MYT1L: variants seen among roughly 807,000 people sequenced by gnomAD.
MYT1L encodes myelin transcription factor 1-like protein.
In MYT1L, 12 loss-of-function variants were observed where a neutral mutation model predicts 126.7. The observed-to-expected ratio is 0.09, with a 90% CI of 0.06 to 0.15. The LOEUF (loss-of-function observed/expected upper bound fraction) is 0.15, where lower values mean the gene tolerates loss of function less well. MYT1L is among the 10% of genes least tolerant of loss of function. The pLI is 1.00. For synonymous variants in MYT1L, 541 were observed against 604.2 expected, an observed-to-expected ratio of 0.90 and a Z score of 1.53; for missense variants, 979 against 1,585.2, an observed-to-expected ratio of 0.62 and a Z score of 6.49.
chr2:1,952,282 T>A (rs768146080), intron 8 of MYT1L, among the ~76,000 whole-genome samples: 3 of 152,222 alleles, frequency 2.0e-5, no homozygotes, highest in Non-Finnish European at 4.4e-5. Flanking sequence ...TATTAAATAT[T>A]TATTGTCTTG....
intron 3 of MYT1L, among the ~76,000 whole-genome samples, chr2:2,062,616 A>C (rs2070680151): frequency 6.6e-6 from 1 of 152,184 alleles, no homozygotes; most frequent in Admixed American, 6.5e-5. Context: ...TCCTATGGAA[A>C]GGTTGTTGGG....
chr2:2,315,246 G>A (rs1248448860), intron 1 of MYT1L, among the ~76,000 whole-genome samples: 4 of 152,126 alleles, frequency 2.6e-5, no homozygotes, highest in Non-Finnish European at 4.4e-5. Context: ...CAAGGATTAT[G>A]CCTTACACTG....
chr2:2,171,791 C>T (rs996250590), intron 3 of MYT1L, among the ~76,000 whole-genome samples: 3 of 152,148 alleles, frequency 2.0e-5, no homozygotes, highest in Non-Finnish European at 4.4e-5. Context: ...TCATAAAGCT[C>T]TCAAAGCCTG....
chr2:1,846,744 G>A (rs1188401226), intron 19 of MYT1L, among the ~76,000 whole-genome samples: 16 of 152,214 alleles, frequency 1.1e-4, no homozygotes, highest in Admixed American at 9.8e-4. Context: ...TGCCCCGCAT[G>A]AGAATGGATC....
chr2:2,113,968 AACATTACT>A (rs1490890782), intron 3 of MYT1L, among the ~76,000 whole-genome samples: 17 of 151,944 alleles, frequency 1.1e-4, no homozygotes, highest in African/African-American at 3.9e-4. Context: ...TAGTTATGAA[AACATTACT>A]GCCTCCATTA....
chr2:2,137,888 C>T (rs1250562646), intron 3 of MYT1L, among the ~76,000 whole-genome samples: 8 of 152,256 alleles, frequency 5.3e-5, no homozygotes, highest in African/African-American at 1.9e-4. Context: ...AAACTACCAT[C>T]AGAGTAAACA....
intron 4 of MYT1L, among the ~76,000 whole-genome samples, chr2:2,018,418 G>A (rs777861693): frequency 4.6e-5 from 7 of 152,278 alleles, no homozygotes; most frequent in South Asian, 2.1e-4. Context: ...AAGGAACAGG[G>A]ATGGAAGGAC....
chr2:2,202,002 A>G (rs974285269), intron 2 of MYT1L, among the ~76,000 whole-genome samples: 2 of 152,214 alleles, frequency 1.3e-5, no homozygotes, highest in African/African-American at 4.8e-5. Context: ...GAAACTGAAC[A>G]ACCTGCTCCT....
intron 1 of MYT1L, among the ~76,000 whole-genome samples, chr2:2,312,625 T>C (rs1355417933): frequency 6.6e-6 from 1 of 152,048 alleles, no homozygotes; most frequent in African/African-American, 2.4e-5. Context: ...ATAACACTTC[T>C]GAGGTTTACT....
chr2:1,975,438 T>G (rs969421044), intron 8 of MYT1L, among the ~76,000 whole-genome samples: 1 of 152,202 alleles, frequency 6.6e-6, no homozygotes, highest in Non-Finnish European at 1.5e-5. Flanking sequence ...AATTAAAGAC[T>G]AAATGGCAGG....
intron 21 of MYT1L, among the ~76,000 whole-genome samples, chr2:1,810,458 T>C (rs1166986914): frequency 6.6e-6 from 1 of 152,220 alleles, no homozygotes; most frequent in Non-Finnish European, 1.5e-5. Flanking sequence ...TTTATATATG[T>C]ATATGACATA....
chr2:2,314,580 G>A (rs1211508285), intron 1 of MYT1L, among the ~76,000 whole-genome samples: 1 of 152,058 alleles, frequency 6.6e-6, no homozygotes, highest in East Asian at 1.9e-4. Flanking sequence ...TTTAAGTTCT[G>A]GGATACATGT....
chr2:2,255,935 T>A (rs1162254894), intron 2 of MYT1L, among the ~76,000 whole-genome samples: 1 of 152,178 alleles, frequency 6.6e-6, no homozygotes, highest in African/African-American at 2.4e-5. Context: ...CTGAATTAAT[T>A]CATGGCAACA....
intron 1 of MYT1L, among the ~76,000 whole-genome samples, chr2:2,287,859 G>C (rs2095545333): frequency 6.6e-6 from 1 of 152,194 alleles, no homozygotes; most frequent in Non-Finnish European, 1.5e-5. Flanking sequence ...ACTCTATTAA[G>C]CCCGACCAAC....
chr2:1,843,060 T>C (rs2042022898), intron 19 of MYT1L, among the ~76,000 whole-genome samples: 1 of 152,250 alleles, frequency 6.6e-6, no homozygotes, highest in Admixed American at 6.5e-5. Context: ...ACCCGAGTTC[T>C]TCCACGCGAC....
chr2:1,866,662 G>GGAGAGGGAGGGAGACAGAGAGGCA (rs2045562898), intron 18 of MYT1L, among the ~76,000 whole-genome samples: 1 of 48,814 alleles, frequency 2.0e-5, no homozygotes, highest in East Asian at 1.7e-3. Flanking sequence ...AGAGAGAGAG[G>GGAGAGGGAGGGAGACAGAGAGGCA]GAGAGGGAGG....
chr2:2,149,205 A>C (rs2085354255), intron 3 of MYT1L, among the ~76,000 whole-genome samples: 1 of 152,164 alleles, frequency 6.6e-6, no homozygotes, highest in African/African-American at 2.4e-5. Flanking sequence ...ACATATAAAA[A>C]TCATGTAAAA....
chr2:2,201,364 A>G (rs761647202), intron 2 of MYT1L, among the ~76,000 whole-genome samples: 2 of 152,156 alleles, frequency 1.3e-5, no homozygotes, highest in South Asian at 4.1e-4. Context: ...CAATTGTTCA[A>G]TAACCTTCTA....
chr2:2,252,290 C>CT (rs1238351041), intron 2 of MYT1L, among the ~76,000 whole-genome samples: 1 of 152,188 alleles, frequency 6.6e-6, no homozygotes, highest in Non-Finnish European at 1.5e-5. Context: ...CCCCTGAATA[C>CT]CAGCCCATGC....
Sources: allele counts gnomAD v4.1 joint callset (sites outside exome capture counted in the v4.1 genomes callset), GRCh38; gene constraint gnomAD v4.1.1; transcripts MANE v1.5; gene names NCBI Gene and HGNC (gene_info 2026-07-23, HGNC 2026-07-21).